AKAIN1: variants seen among roughly 807,000 people sequenced by gnomAD.
The protein encoded by AKAIN1 is A-kinase anchor inhibitor 1.
A neutral mutation model predicts 3.7 loss-of-function variants in AKAIN1; 3 were observed. The observed-to-expected ratio is 0.82, with a 90% confidence interval of 0.37 to 2.12. AKAIN1 has a LOEUF of 2.12. Ranked by LOEUF, AKAIN1 falls within the 30% of genes most tolerant of loss-of-function variation. AKAIN1 has a pLI of 0.06. For synonymous variants in AKAIN1, 31 were observed against 30.8 expected, an observed-to-expected ratio of 1.01 and a Z score of -0.02; for missense variants, 82 against 82.7, an observed-to-expected ratio of 0.99 and a Z score of 0.03.
In AKAIN1 at chr18:5,143,390, C is replaced by T. The variant is rs1467330502; in HGVS notation, c.*2172G>A. Among the ~76,000 whole-genome samples the T allele has an allele frequency of 6.6e-6, 1 of 152,196 alleles. No individual in the cohort carries two copies. Among genetic ancestry groups the T allele is most frequent in the East Asian group, 1.9e-4 (1 of 5,196 alleles). On this transcript the variant is annotated 3_prime_UTR_variant, in exon 2 of 2. Coordinates refer to ENST00000434239, the MANE Select transcript of AKAIN1 (RefSeq NM_001145194.2). ...ATCTCTGTTCCTTGCTGTCGATTTTCCATCTCAAAAATTATGGCAGACACT... is the reference window on the plus strand; with the variant it reads ...ATCTCTGTTCCTTGCTGTCGATTTTTCATCTCAAAAATTATGGCAGACACT...
chr18:5,170,732 C>T (rs1225577522), intron 1 of AKAIN1: 1 of 152,104 alleles, frequency 6.6e-6, no homozygotes, highest in Non-Finnish European at 1.5e-5. Flanking sequence ...TGTGTGGGCA[C>T]TTGTGACTGC....
intron 1 of AKAIN1, among the ~76,000 whole-genome samples, chr18:5,150,129 T>G (rs1427822001): frequency 6.6e-6 from 1 of 152,248 alleles, no homozygotes; most frequent in Non-Finnish European, 1.5e-5. Context: ...CAAAGCATCC[T>G]GGAGAGCAGG....
chr18:5,195,729 G>A (rs886152663), intron 1 of AKAIN1, among the ~76,000 whole-genome samples: 19 of 152,214 alleles, frequency 1.2e-4, no homozygotes, highest in Non-Finnish European at 2.8e-4. Flanking sequence ...GTTAAGTGCT[G>A]TATAAATGCA....
At chr18:5,185,692 A>G (rs1329797061) in intron 1 of AKAIN1, among the ~76,000 whole-genome samples, 1 of 152,124 alleles carries the variant, frequency 6.6e-6, no homozygotes, top group Non-Finnish European at 1.5e-5. Flanking sequence ...GACAAAAATA[A>G]CAGATGCTGG....
intron 1 of AKAIN1, among the ~76,000 whole-genome samples, chr18:5,151,548 G>T (rs2071080172): frequency 6.6e-6 from 1 of 152,182 alleles, no homozygotes. Flanking sequence ...ATTTTAGGTA[G>T]ATTTGAGATG....
chr18:5,159,483 T>A lies in AKAIN1; in HGVS notation c.17-13728A>T, dbSNP rs1351124814. The A allele has an allele frequency of 3.3e-5, 5 of 152,284 alleles. No homozygotes were observed. In the East Asian group the frequency reaches 9.7e-4, roughly 29 times the overall value. 9.4% of individuals were successfully genotyped at this position (152,284 alleles called of 1,614,324 possible). ...TTAGCTACCTTCAAATAAAATTAAATTACATGTTATCTAACTGAAATTGTA... is the reference window on the plus strand; with the variant it reads ...TTAGCTACCTTCAAATAAAATTAAAATACATGTTATCTAACTGAAATTGTA... On this transcript the variant is annotated intron_variant, in intron 1 of 1. Coordinates refer to ENST00000434239, the MANE Select transcript of AKAIN1 (RefSeq NM_001145194.2).
At chr18:5,164,295 C>T (rs2071155854) in intron 1 of AKAIN1, among the ~76,000 whole-genome samples, 1 of 152,006 alleles carries the variant, frequency 6.6e-6, no homozygotes, top group Admixed American at 6.6e-5. Context: ...GTTCTTTTGC[C>T]TTAACAGGCC....
At chr18:5,187,368 G>T (rs2071293432) in intron 1 of AKAIN1, among the ~76,000 whole-genome samples, 1 of 152,138 alleles carries the variant, frequency 6.6e-6, no homozygotes, top group South Asian at 2.1e-4. Flanking sequence ...TTTTCTGCTG[G>T]TATAACATAA....
chr18:5,168,864 T>TAA (rs34950957), intron 1 of AKAIN1, among the ~76,000 whole-genome samples: 2 of 122,660 alleles, frequency 1.6e-5, no homozygotes, highest in African/African-American at 3.1e-5. Context: ...GGCAATTCAT[T>TAA]AAAAAAAAAA....
chr18:5,171,445 C>G (rs1436790949), intron 1 of AKAIN1, among the ~76,000 whole-genome samples: 1 of 152,024 alleles, frequency 6.6e-6, no homozygotes, highest in East Asian at 1.9e-4. Context: ...TCCCATCTGA[C>G]AATGGATTAA....
intron 1 of AKAIN1, among the ~76,000 whole-genome samples, chr18:5,146,960 T>C (rs957277155): frequency 3.3e-5 from 5 of 152,260 alleles, no homozygotes; most frequent in African/African-American, 1.2e-4. Flanking sequence ...CTGCTTTCTT[T>C]CTTAGTTAAA....
At chr18:5,192,385 TTTTCTTTCTTTCTTTCTTTC>T (rs34194118) in intron 1 of AKAIN1, among the ~76,000 whole-genome samples, 23 of 107,074 alleles carry the variant, frequency 2.1e-4, no homozygotes, top group African/African-American at 7.5e-4. Context: ...ACAGAGCTAA[TTTTCTTTCTTTCTTTCTTTC>T]TTTCTTTCTT....
chr18:5,180,847 T>A (rs1448218048), intron 1 of AKAIN1, among the ~76,000 whole-genome samples: 1 of 152,102 alleles, frequency 6.6e-6, no homozygotes, highest in Non-Finnish European at 1.5e-5. Flanking sequence ...TAACAACTTG[T>A]GTCAGGCAAC....
At chr18:5,183,220 T>A (rs2071269025) in intron 1 of AKAIN1, among the ~76,000 whole-genome samples, 1 of 151,842 alleles carries the variant, frequency 6.6e-6, no homozygotes, top group Non-Finnish European at 1.5e-5. Context: ...CATGAAAAAA[T>A]TAAGAGTACA....
chr18:5,146,418 A>G (rs942197111), intron 1 of AKAIN1, among the ~76,000 whole-genome samples: 2 of 147,424 alleles, frequency 1.4e-5, no homozygotes, highest in East Asian at 3.9e-4. Context: ...GCATTCATGT[A>G]TGTGATGAAA....
intron 1 of AKAIN1, among the ~76,000 whole-genome samples, chr18:5,188,528 C>A (rs1365619646): frequency 6.6e-6 from 1 of 152,010 alleles, no homozygotes. Flanking sequence ...CCCCTGAGCC[C>A]CTTTACACTT....
intron 1 of AKAIN1, among the ~76,000 whole-genome samples, chr18:5,149,425 C>T (rs563528353): frequency 4.6e-5 from 7 of 152,278 alleles, no homozygotes; most frequent in Admixed American, 2.0e-4. Flanking sequence ...ATACAAATGT[C>T]GTAGCCAAGT....
chr18:5,147,758 G>A (rs1180592181), intron 1 of AKAIN1, among the ~76,000 whole-genome samples: 1 of 152,158 alleles, frequency 6.6e-6, no homozygotes, highest in African/African-American at 2.4e-5. Context: ...CCTATTGAGA[G>A]CGAAGAACAA....
chr18:5,143,735 A>G lies in AKAIN1; in HGVS notation c.*1827T>C, dbSNP rs1473252550. 6.6e-6 allele frequency among the ~76,000 whole-genome samples: 1 copy of G among 152,234 alleles called. No homozygotes were observed. Among genetic ancestry groups the G allele is most frequent in the Non-Finnish European group, 1.5e-5 (1 of 68,030 alleles). The stretch of plus-strand genomic sequence containing the variant: ...AAATAACATTTAGACACAGAGGTCA[A>G]TAAGATGTTCCAAAAATTCCCAATT... On this transcript the variant is annotated 3_prime_UTR_variant, in exon 2 of 2. Coordinates refer to ENST00000434239, the MANE Select transcript of AKAIN1 (RefSeq NM_001145194.2).
Sources: gnomAD v4.1 joint callset for allele counts (sites outside exome capture counted in the v4.1 genomes callset) on GRCh38, gnomAD v4.1.1 for gene constraint, MANE v1.5 for transcripts, NCBI Gene and HGNC (gene_info 2026-07-23, HGNC 2026-07-21) for gene names.